Variants in FHOD3 observed in about 807,000 individuals in gnomAD.
FHOD3 encodes the protein formin homology 2 domain containing 3, also known as FH1/FH2 domain-containing protein 3.
FHOD3 carries 90 observed loss-of-function variants against 173.0 expected under a neutral mutation model. The ratio of observed to expected loss-of-function variants is 0.52; its 90% confidence interval spans 0.44 to 0.62. The LOEUF (loss-of-function observed/expected upper bound fraction) is 0.62. Ranked by LOEUF, FHOD3 falls within the 20% of genes least tolerant of loss-of-function variation. The pLI, the probability that FHOD3 is intolerant of heterozygous loss-of-function variation, is 0.00. For synonymous variants in FHOD3, 828 were observed against 823.0 expected, an observed-to-expected ratio of 1.01 and a Z score of -0.10; for missense variants, 1,945 against 2,034.7, an observed-to-expected ratio of 0.96 and a Z score of 0.85.
intron 24 of FHOD3, among the ~76,000 whole-genome samples, chr18:36,753,235 C>T (rs373330707): frequency 1.8e-4 from 28 of 152,258 alleles, no homozygotes; most frequent in African/African-American, 5.5e-4. Context: ...CCTGCAGGCT[C>T]TCAGTTCCTT....
chr18:36,372,721 C>G lies in FHOD3; in HGVS notation c.314C>G (p.Ser105Cys), dbSNP rs367805292. The G allele has an allele frequency of 6.2e-7, 1 of 1,613,864 alleles. No individual in the cohort carries two copies. Among genetic ancestry groups the G allele is most frequent in the African/African-American group, 1.3e-5 (1 of 74,910 alleles). ...AGCATCATCCTAAGGACGCAGCTGT[C>G]TGTGAGGGTCCATGCCTGCATCGGT... ...KHSIILRTQL[S>C]VRVHACIEKL... The change falls in exon 3 of 29, where the codon TCT (serine) becomes TGT (cysteine). Residue 105 changes from serine to cysteine, a missense_variant. Ser to Cys is a moderately radical substitution (Grantham distance 112). This residue lies in a region of FHOD3 where 245 missense variants were observed against 267.7 expected (regional missense o/e 0.92). Transcript: ENST00000590592.
chr18:36,660,033 G>A (rs1203047639), intron 14 of FHOD3, among the ~76,000 whole-genome samples: 2 of 152,186 alleles, frequency 1.3e-5, no homozygotes, highest in Non-Finnish European at 2.9e-5. Flanking sequence ...CACTTTGGGA[G>A]GCCGAGGTGG....
chr18:36,318,165 C>T (rs2044221757), intron 1 of FHOD3, among the ~76,000 whole-genome samples: 1 of 152,172 alleles, frequency 6.6e-6, no homozygotes, highest in African/African-American at 2.4e-5. Flanking sequence ...CGTGATGCCT[C>T]CAGCTTTGTT....
intron 14 of FHOD3, among the ~76,000 whole-genome samples, chr18:36,660,093 C>T (rs1568565226): frequency 6.6e-6 from 1 of 151,570 alleles, no homozygotes; most frequent in East Asian, 1.9e-4. Flanking sequence ...ACATGGTGAA[C>T]CCCCGTCTCT....
intron 8 of FHOD3, among the ~76,000 whole-genome samples, chr18:36,604,757 C>A (rs2031873299): frequency 6.6e-6 from 1 of 152,124 alleles, no homozygotes; most frequent in Non-Finnish European, 1.5e-5. Context: ...AGAGATTTAA[C>A]TATTTTACTG....
intron 5 of FHOD3, among the ~76,000 whole-genome samples, chr18:36,535,015 T>G (rs774324977): frequency 3.9e-5 from 6 of 152,240 alleles, no homozygotes; most frequent in Non-Finnish European, 8.8e-5. Flanking sequence ...GTTTCTTGTT[T>G]TACTAACTTG....
chr18:36,712,316 A>G (rs2040212017), intron 18 of FHOD3, among the ~76,000 whole-genome samples: 1 of 152,250 alleles, frequency 6.6e-6, no homozygotes, highest in African/African-American at 2.4e-5. Flanking sequence ...GAATTATGTG[A>G]CGGGGATTTT....
chr18:36,507,894 A>C (rs534240640), intron 4 of FHOD3, among the ~76,000 whole-genome samples: 1 of 152,252 alleles, frequency 6.6e-6, no homozygotes, highest in African/African-American at 2.4e-5. Flanking sequence ...TTAGTCTATC[A>C]GCCTGCCTAT....
At chr18:36,480,179 C>T (rs1426717881) in intron 3 of FHOD3, among the ~76,000 whole-genome samples, 6 of 152,202 alleles carry the variant, frequency 3.9e-5, no homozygotes, top group East Asian at 1.9e-4. Flanking sequence ...TTCTGAGGTC[C>T]GGTGTCCACA....
At chr18:36,355,356 C>A (rs1252140063) in intron 1 of FHOD3, among the ~76,000 whole-genome samples, 183 bp from the exon 2 acceptor site, 1 of 152,210 alleles carries the variant, frequency 6.6e-6, no homozygotes, top group Non-Finnish European at 1.5e-5. Flanking sequence ...CCTCATCCAT[C>A]CACTTGGTAC....
intron 3 of FHOD3, among the ~76,000 whole-genome samples, chr18:36,499,995 C>T (rs2054945581): frequency 2.6e-5 from 4 of 152,162 alleles, no homozygotes; most frequent in Admixed American, 2.6e-4. Context: ...TTGCCCCTGC[C>T]ACTTAGCAGC....
At chr18:36,678,964 A>G (rs890131493) in intron 14 of FHOD3, among the ~76,000 whole-genome samples, 1 of 151,914 alleles carries the variant, frequency 6.6e-6, no homozygotes, top group African/African-American at 2.4e-5. Flanking sequence ...TTTCTTCTTT[A>G]TGTTGTCTGA....
chr18:36,500,372 A>G (rs1262795999), intron 3 of FHOD3, among the ~76,000 whole-genome samples: 1 of 152,130 alleles, frequency 6.6e-6, no homozygotes, highest in Admixed American at 6.5e-5. Flanking sequence ...AAAAACCAGC[A>G]TATCCTTTCT....
chr18:36,382,247 AT>A (rs2047828275), intron 3 of FHOD3, among the ~76,000 whole-genome samples: 1 of 152,186 alleles, frequency 6.6e-6, no homozygotes, highest in African/African-American at 2.4e-5. Context: ...TGATGAGCGA[AT>A]GAAGAAGAGG....
chr18:36,562,035 GA>G (rs2058104925), intron 5 of FHOD3, among the ~76,000 whole-genome samples: 1 of 124,950 alleles, frequency 8.0e-6, no homozygotes, highest in Non-Finnish European at 1.8e-5. Context: ...TGTATTTTTT[GA>G]GATGGAGTCT....
chr18:36,745,917 G>A (rs1425878501), intron 23 of FHOD3, among the ~76,000 whole-genome samples: 1 of 151,758 alleles, frequency 6.6e-6, no homozygotes, highest in Non-Finnish European at 1.5e-5. Context: ...GCTGGACACA[G>A]CCTTTCCCAT....
rs2056609133 is a variant in FHOD3 at position 36,528,058 on chromosome 18, C to T, written c.511+15515C>T. The stretch of plus-strand genomic sequence containing the variant: ...GTTCTCCCTGAGGACCACACACTTA[C>T]TTGCACCTGGATCCTCTGTTTCCTG... On this transcript the variant is annotated intron_variant, in intron 5 of 28. Coordinates refer to ENST00000590592, the MANE Select transcript of FHOD3 (RefSeq NM_001281740.3). Among the ~76,000 whole-genome samples the T allele has an allele frequency of 2.0e-5, 3 of 152,292 alleles. No individual in the cohort carries two copies. In the South Asian group the frequency reaches 6.2e-4, roughly 32 times the overall value.
intron 3 of FHOD3, among the ~76,000 whole-genome samples, chr18:36,452,008 C>G (rs2051881080): frequency 6.6e-6 from 1 of 152,126 alleles, no homozygotes; most frequent in South Asian, 2.1e-4. Flanking sequence ...TTGCCCTCCA[C>G]AAGCAGCAAC....
At chr18:36,404,700 T>C (rs1158733184) in intron 3 of FHOD3, among the ~76,000 whole-genome samples, 1 of 152,096 alleles carries the variant, frequency 6.6e-6, no homozygotes, top group Non-Finnish European at 1.5e-5. Flanking sequence ...GTTCAGTGGC[T>C]ATTGGGGGGC....
Sources: gnomAD v4.1 joint callset for allele counts (sites outside exome capture counted in the v4.1 genomes callset) on GRCh38, gnomAD v4.1.1 for gene constraint, gnomAD v4.1.1 regional missense constraint, MANE v1.5 for transcripts, NCBI Gene and HGNC (gene_info 2026-07-23, HGNC 2026-07-21) for gene names.